The following COL4A4 variants were observed in gnomAD, a reference collection of about 807,000 sequenced individuals.
COL4A4 encodes the protein collagen type IV alpha 4 chain, also known as collagen alpha-4(IV) chain.
In COL4A4, 105 loss-of-function variants were observed where a neutral mutation model predicts 192.9. That is an observed-to-expected ratio of 0.54 (90% CI 0.46 to 0.64). The LOEUF (loss-of-function observed/expected upper bound fraction) is 0.64. COL4A4 is among the 30% of genes least tolerant of loss of function. COL4A4 has a pLI of 0.00. For missense variants in COL4A4, 1,967 were observed against 2,169.3 expected (o/e 0.91, Z 1.85); for synonymous variants, 762 against 769.9 (o/e 0.99, Z 0.17).
rs1320724722 is a variant in COL4A4 at position 227,045,815 on chromosome 2, TACACATATATATATATAC to T, written c.3289+1642_3289+1659del. On this transcript the variant is annotated intron_variant, in intron 35 of 47. Coordinates refer to ENST00000396625, the MANE Select transcript of COL4A4 (RefSeq NM_000092.5). Reference sequence around the variant, plus strand: ...ATATATATACACATATATATATATATACACATATATATATATACACACATATATATATACACATATATA... The same window carrying T: ...ATATATATACACATATATATATATATACACATATATATATACACATATATA... Among the ~76,000 whole-genome samples, 6 of 52,206 alleles carry T rather than the reference TACACATATATATATATAC, an allele frequency of 1.1e-4. 2 individuals carry two copies. Among genetic ancestry groups the T allele is most frequent in the African/African-American group, 5.0e-4 (4 of 8,044 alleles). 34.2% of individuals were successfully genotyped at this position (52,206 alleles called of 152,430 possible).
intron 18 of COL4A4, 21 bp downstream of exon 18, chr2:227,099,599 G>T: frequency 6.2e-7 from 1 of 1,610,522 alleles, no homozygotes; most frequent in Non-Finnish European, 8.5e-7. Flanking sequence ...ATTTATGGAG[G>T]AACTGAATAG....
intron 16 of COL4A4, 152 bp from the exon 17 acceptor site, chr2:227,101,709 A>G (rs934160065): frequency 1.8e-6 from 2 of 1,106,276 alleles, no homozygotes; most frequent in South Asian, 2.7e-5. Flanking sequence ...TTGTGCTTCA[A>G]TTTTTGCACC....
chr2:227,028,602 G>A (rs1360739854), intron 41 of COL4A4, among the ~76,000 whole-genome samples: 1 of 151,386 alleles, frequency 6.6e-6, no homozygotes, highest in Non-Finnish European at 1.5e-5. Context: ...CCTTTCATGT[G>A]CATGTCTGTC....
At chr2:227,001,512 G>GTGAC (rs1467538362), downstream of COL4A4, among the ~76,000 whole-genome samples, 1 of 152,210 alleles carries the variant, frequency 6.6e-6, no homozygotes, top group African/African-American at 2.4e-5. Flanking sequence ...GGGCTTTGCA[G>GTGAC]TGACAGGAGC....
At chr2:227,032,421 G>A (rs1458537730) in intron 38 of COL4A4, 145 bp from the exon 39 acceptor site, 2 of 854,564 alleles carry the variant, frequency 2.3e-6, no homozygotes, top group Non-Finnish European at 3.8e-6. Flanking sequence ...TGATCCAAAT[G>A]TCTGCACCAT....
Position 227,109,235 on chromosome 2 carries a change from G to T in COL4A4, c.646C>A (p.Pro216Thr). ...AGTGCTGTACTTACCACTAACCCTG[G>T]CTCTCCAGGATATCCTGTGGGACCT... Reference protein sequence around the residue: ...PAGPTGYPGEPGLVGPPGQPG... With the variant: ...PAGPTGYPGETGLVGPPGQPG... Residue 216 changes from proline to threonine, a missense_variant, in exon 10 of 48, where the codon CCA becomes ACA. Physicochemically the swap from Pro to Thr is conservative, Grantham distance 38. Coordinates refer to ENST00000396625, the MANE Select transcript of COL4A4 (RefSeq NM_000092.5). 1 of 1,613,868 alleles carries T rather than the reference G, an allele frequency of 6.2e-7. No individual in the cohort carries two copies. Among genetic ancestry groups the T allele is most frequent in the East Asian group, 2.2e-5 (1 of 44,884 alleles).
intron 4 of COL4A4, among the ~76,000 whole-genome samples, chr2:227,131,176 G>A (rs2062440650): frequency 1.4e-5 from 2 of 143,046 alleles, no homozygotes; most frequent in Admixed American, 1.4e-4. Flanking sequence ...TTTTTTTTAA[G>A]ATGGAGTCTC....
intron 1 of COL4A4, among the ~76,000 whole-genome samples, chr2:227,156,600 A>G (rs903366421): frequency 2.0e-5 from 3 of 152,174 alleles, no homozygotes; most frequent in Non-Finnish European, 2.9e-5. Flanking sequence ...AAGGAGATAT[A>G]CAGAAGGACA....
intron 19 of COL4A4, among the ~76,000 whole-genome samples, chr2:227,095,880 G>A (rs570207494): frequency 6.6e-6 from 1 of 152,218 alleles, no homozygotes; most frequent in South Asian, 2.1e-4. Context: ...TCTAGCCTAG[G>A]CAACAAGAGC....
At chr2:227,028,058 A>T in intron 41 of COL4A4, 49 bp from the exon 42 acceptor site, 1 of 1,244,850 alleles carries the variant, frequency 8.0e-7, no homozygotes, top group Non-Finnish European at 1.2e-6. Context: ...ATGAGACAAG[A>T]TAAAAACAAT....
At chr2:227,104,309 G>A (rs13016344) in intron 12 of COL4A4, among the ~76,000 whole-genome samples, 1 of 151,530 alleles carries the variant, frequency 6.6e-6, no homozygotes, top group South Asian at 2.1e-4. Context: ...GGTGGCTCAC[G>A]CCTGTAATCC....
intron 2 of COL4A4, 127 bp downstream of exon 2, chr2:227,147,286 T>C (rs764702861): frequency 1.1e-5 from 10 of 884,882 alleles, no homozygotes; most frequent in Non-Finnish European, 1.7e-5. Flanking sequence ...ATGGCAGACA[T>C]ACCCTTAGCT....
chr2:227,110,987 C>T (rs2061170894), intron 9 of COL4A4, among the ~76,000 whole-genome samples: 2 of 152,184 alleles, frequency 1.3e-5, no homozygotes, highest in South Asian at 2.1e-4. Flanking sequence ...GCCGGCAAAA[C>T]TGCTCTCAAT....
the COL4A4 span, among the ~76,000 whole-genome samples, chr2:226,987,532 G>A: frequency 6.6e-6 from 1 of 152,198 alleles, no homozygotes; most frequent in Non-Finnish European, 1.5e-5. Context: ...TTGCTGGTGT[G>A]ACACATTTGC....
intron 41 of COL4A4, 120 bp from the exon 42 acceptor site, chr2:227,028,129 T>G: frequency 1.3e-6 from 1 of 762,522 alleles, no homozygotes; most frequent in Non-Finnish European, 2.2e-6. Flanking sequence ...ATAGCTAGCC[T>G]GAGAGTCAAG....
intron 4 of COL4A4, among the ~76,000 whole-genome samples, chr2:227,126,047 C>A (rs141821698): frequency 1.9e-4 from 29 of 152,210 alleles, no homozygotes; most frequent in African/African-American, 7.0e-4. Context: ...GAGGACTCAA[C>A]CGATCCAGAT....
At chr2:227,093,777 G>C (rs2060062687) in intron 20 of COL4A4, among the ~76,000 whole-genome samples, 1 of 151,862 alleles carries the variant, frequency 6.6e-6, no homozygotes, top group Non-Finnish European at 1.5e-5. Context: ...CAATTCCCCT[G>C]TCTCGACAAA....
At chr2:227,062,386 G>C (rs1190714098) in intron 26 of COL4A4, 144 bp downstream of exon 26, 2 of 678,412 alleles carry the variant, frequency 2.9e-6, no homozygotes, top group African/African-American at 1.8e-5. Context: ...TACTACAAAT[G>C]CTGTTTTCCC....
At position 227,058,384 on chromosome 2, in the gene COL4A4, T is replaced by C. The variant is rs368858428; in HGVS notation, c.2384-784A>G. ...TCTTCCATTGAACACTTCCCTTAGATATATTTTCACAAGTGAGATAGTCGG... is the reference window on the plus strand; with the variant it reads ...TCTTCCATTGAACACTTCCCTTAGACATATTTTCACAAGTGAGATAGTCGG... On this transcript the variant is annotated intron_variant, in intron 28 of 47. Coordinates refer to ENST00000396625, the MANE Select transcript of COL4A4 (RefSeq NM_000092.5). 2.3e-4 allele frequency among the ~76,000 whole-genome samples: 35 copies of C among 152,346 alleles called. No homozygotes were observed. In the South Asian group the frequency reaches 5.8e-3, roughly 25 times the overall value.
Sources: allele counts gnomAD v4.1 joint callset (sites outside exome capture counted in the v4.1 genomes callset), GRCh38; gene constraint gnomAD v4.1.1; transcripts MANE v1.5; gene names NCBI Gene and HGNC (gene_info 2026-07-23, HGNC 2026-07-21).